The following CPVL variants were observed in gnomAD, a reference collection of about 807,000 sequenced individuals.
CPVL encodes probable serine carboxypeptidase CPVL.
A neutral mutation model predicts 63.7 loss-of-function variants in CPVL; 51 were observed. The observed-to-expected ratio is 0.80, with a 90% confidence interval of 0.64 to 1.01. CPVL has a LOEUF of 1.01. Among genes scored for constraint, CPVL ranks in the 50% least tolerant of loss-of-function variants. The pLI is 0.00. For synonymous variants in CPVL, 195 were observed against 206.0 expected (o/e 0.95, Z 0.46); for missense variants, 530 against 573.1 (o/e 0.92, Z 0.77).
intron 7 of CPVL, among the ~76,000 whole-genome samples, chr7:29,073,139 A>C (rs1783911144): frequency 6.6e-6 from 1 of 152,198 alleles, no homozygotes; most frequent in Non-Finnish European, 1.5e-5. Flanking sequence ...ATTAAACTGC[A>C]CATGTTCAAA....
exon 1 of CPVL, chr7:29,195,209 G>A: frequency 2.1e-6 from 1 of 483,008 alleles, no homozygotes; most frequent in Non-Finnish European, 3.6e-6. Context: ...GGAGAGCGGT[G>A]GTGCCCTTAG....
intron 12 of CPVL, among the ~76,000 whole-genome samples, chr7:29,008,458 G>A (rs1785441126): frequency 6.6e-6 from 1 of 152,270 alleles, no homozygotes; most frequent in Admixed American, 6.5e-5. Context: ...AGGAAAAAAC[G>A]TTTAAACGAC....
chr7:29,091,878 A>G (rs2192508), intron 6 of CPVL, among the ~76,000 whole-genome samples: 52,290 of 151,976 alleles, frequency 0.34, 13,096 homozygotes, highest in African/African-American at 0.7. Context: ...TTTCGCTTTG[A>G]GGATTGGTAG....
intron 11 of CPVL, among the ~76,000 whole-genome samples, chr7:29,048,339 A>G (rs1186372929): frequency 6.6e-6 from 1 of 152,186 alleles, no homozygotes; most frequent in Admixed American, 6.5e-5. Flanking sequence ...ACACATAAGG[A>G]CTCACATAAA....
intron 3 of CPVL, among the ~76,000 whole-genome samples, chr7:29,105,933 C>A (rs1376454176): frequency 6.6e-6 from 1 of 152,166 alleles, no homozygotes; most frequent in Non-Finnish European, 1.5e-5. Context: ...AAAGAGAATT[C>A]CAAAGAATGC....
chr7:29,162,684 C>T (rs1160605348), intron 5 of CPVL, among the ~76,000 whole-genome samples: 1 of 142,604 alleles, frequency 7.0e-6, no homozygotes, highest in African/African-American at 2.6e-5. Context: ...AAAAAAAGAA[C>T]ATTATGACAA....
intron 12 of CPVL, 121 bp downstream of exon 12, chr7:29,030,456 A>T (rs373577556): frequency 1.9e-5 from 17 of 893,014 alleles, no homozygotes; most frequent in East Asian, 9.8e-5. Context: ...GCCACAGAAG[A>T]CACACACTGG....
intron 11 of CPVL, among the ~76,000 whole-genome samples, chr7:29,033,013 A>T (rs317750): frequency 6.6e-6 from 1 of 152,080 alleles, no homozygotes; most frequent in Non-Finnish European, 1.5e-5. Context: ...AAGAAACAGC[A>T]AAGAGCTGAA....
intron 6 of CPVL, among the ~76,000 whole-genome samples, chr7:29,087,611 T>G (rs1289517218): frequency 6.6e-6 from 1 of 152,164 alleles, no homozygotes; most frequent in Non-Finnish European, 1.5e-5. Context: ...TATGAGTGTT[T>G]TGACCCAGAC....
At chr7:29,114,013 C>G (rs769223428) in intron 2 of CPVL, among the ~76,000 whole-genome samples, 1 of 152,190 alleles carries the variant, frequency 6.6e-6, no homozygotes, top group African/African-American at 2.4e-5. Flanking sequence ...CCTCACATGC[C>G]ATCGACTAAA....
rs545893172 is a variant in CPVL, at chr7:29,154,981, C to T, written c.-11+26309G>A. Among the ~76,000 whole-genome samples the T allele has an allele frequency of 7.9e-5, 12 of 152,304 alleles. No homozygotes were observed. In the South Asian group the frequency reaches 2.5e-3, roughly 32 times the overall value. On this transcript the variant is annotated intron_variant, in intron 5 of 16. Transcript: ENST00000409850. The stretch of plus-strand genomic sequence containing the variant: ...ACAAGGAGGAGCAAGTCACATCTTA[C>T]ATGGATGGTGGCAGGCAAAGAGAAG...
At chr7:29,152,234 C>T (rs944516159) in intron 5 of CPVL, among the ~76,000 whole-genome samples, 30 of 152,232 alleles carry the variant, frequency 2.0e-4, no homozygotes, top group African/African-American at 6.3e-4. Flanking sequence ...TGCATAAAAC[C>T]TTATGTTGCT....
intron 6 of CPVL, among the ~76,000 whole-genome samples, chr7:29,087,643 G>A (rs1785344883): frequency 6.6e-6 from 1 of 152,184 alleles, no homozygotes; most frequent in Admixed American, 6.5e-5. Context: ...CGAAGCTAGG[G>A]GAGGTTGTTG....
At chr7:29,133,029 A>G (rs554534139) in intron 1 of CPVL, among the ~76,000 whole-genome samples, 82 of 152,208 alleles carry the variant, frequency 5.4e-4, no homozygotes, top group Non-Finnish European at 1.1e-3. Context: ...CAGCTAATGC[A>G]AGGGCAACAA....
intron 7 of CPVL, among the ~76,000 whole-genome samples, chr7:29,076,205 G>A (rs1784229061): frequency 6.6e-6 from 1 of 152,102 alleles, no homozygotes; most frequent in African/African-American, 2.4e-5. Context: ...GCTTATAACA[G>A]TGATTCTGTA....
At chr7:29,053,634 T>C (rs867603600) in intron 11 of CPVL, among the ~76,000 whole-genome samples, 4 of 152,040 alleles carry the variant, frequency 2.6e-5, no homozygotes, top group Non-Finnish European at 5.9e-5. Flanking sequence ...TTCTTTCAGA[T>C]GTGATGAAGA....
At chr7:29,168,169 A>G (rs1020025400) in intron 5 of CPVL, among the ~76,000 whole-genome samples, 2 of 152,162 alleles carry the variant, frequency 1.3e-5, no homozygotes, top group Non-Finnish European at 2.9e-5. Context: ...GAGACTGCAC[A>G]TCTTCTGACG....
rs754347970 is a variant in CPVL at position 29,096,164 on chromosome 7, A to G, written c.342T>C (p.Gly114=). 1.4e-5 allele frequency: 23 copies of G among 1,614,102 alleles called. No homozygotes were observed. The East Asian group carries it at 4.9e-4, about 34-fold the overall frequency. The part of the protein sequence containing the change: ...VVLWLQGGPG[G]SSMFGLFVEH... ...CCACAAAGAGTCCAAACATGGATGA[A>G]CCTCCCGGCCCACCCTGTAGCCAGA... The change falls in exon 4 of 13, where the codon GGT becomes GGC. Residue 114 remains glycine (G), a synonymous_variant. Transcript: ENST00000265394.
chr7:29,108,622 C>T (rs1320400392), intron 3 of CPVL, among the ~76,000 whole-genome samples: 2 of 152,154 alleles, frequency 1.3e-5, no homozygotes, highest in African/African-American at 2.4e-5. Context: ...CCATAATAAT[C>T]GTAATCATAA....
Sources: gnomAD v4.1 joint callset for allele counts (sites outside exome capture counted in the v4.1 genomes callset) on GRCh38, gnomAD v4.1.1 for gene constraint, MANE v1.5 for transcripts, NCBI Gene and HGNC (gene_info 2026-07-23, HGNC 2026-07-21) for gene names.